Variants in PDE8B observed in about 807,000 individuals in gnomAD.
PDE8B encodes the protein high affinity cAMP-specific and IBMX-insensitive 3',5'-cyclic phosphodiesterase 8B.
A neutral mutation model predicts 101.3 loss-of-function variants in PDE8B; 26 were observed. The observed-to-expected ratio is 0.26, with a 90% CI of 0.19 to 0.36. The LOEUF (loss-of-function observed/expected upper bound fraction) is 0.36, where lower values mean the gene tolerates loss of function less well. Among genes scored for constraint, PDE8B ranks in the 10% least tolerant of loss-of-function variants. The pLI is 1.00. For missense variants in PDE8B, 810 were observed against 1,163.1 expected, an observed-to-expected ratio of 0.70 and a Z score of 4.42; for synonymous variants, 424 against 429.3, an observed-to-expected ratio of 0.99 and a Z score of 0.15.
intron 2 of PDE8B, among the ~76,000 whole-genome samples, chr5:77,316,701 T>C (rs1773836013): frequency 6.6e-6 from 1 of 152,238 alleles, no homozygotes; most frequent in Non-Finnish European, 1.5e-5. Flanking sequence ...TTTGAATGTA[T>C]TATATGTGGC....
chr5:77,260,386 GC>G (rs1760289277), intron 1 of PDE8B, among the ~76,000 whole-genome samples: 1 of 152,040 alleles, frequency 6.6e-6, no homozygotes, highest in Non-Finnish European at 1.5e-5. Flanking sequence ...CCTGTAAGGA[GC>G]ATTTTAAAAG....
chr5:77,321,467 A>G (rs982997432), intron 2 of PDE8B, among the ~76,000 whole-genome samples: 3 of 152,072 alleles, frequency 2.0e-5, no homozygotes, highest in Non-Finnish European at 2.9e-5. Flanking sequence ...TCTATTCTTA[A>G]TGGGCCACAG....
chr5:77,113,537 T>C, the PDE8B span: 1 of 152,184 alleles, frequency 6.6e-6, no homozygotes, highest in Non-Finnish European at 1.5e-5. Flanking sequence ...CGACTTAATG[T>C]AAGACCTAAA....
At chr5:77,092,946 A>C in the PDE8B span, among the ~76,000 whole-genome samples, 1 of 152,126 alleles carries the variant, frequency 6.6e-6, no homozygotes, top group Non-Finnish European at 1.5e-5. Flanking sequence ...AGTTTGAGAA[A>C]AATATTTATC....
At chr5:77,245,296 A>G (rs1756624537) in intron 1 of PDE8B, among the ~76,000 whole-genome samples, 2 of 152,260 alleles carry the variant, frequency 1.3e-5, no homozygotes, top group Non-Finnish European at 2.9e-5. Context: ...GAGTGTCTTG[A>G]GTAAAATAAA....
At chr5:77,254,301 T>C (rs771743227) in intron 1 of PDE8B, among the ~76,000 whole-genome samples, 3 of 152,100 alleles carry the variant, frequency 2.0e-5, no homozygotes, top group Non-Finnish European at 4.4e-5. Flanking sequence ...GGAAAAGAAC[T>C]ACAGTGAAAA....
At chr5:77,244,657 A>C (rs140554772) in intron 1 of PDE8B, among the ~76,000 whole-genome samples, 52 of 152,082 alleles carry the variant, frequency 3.4e-4, no homozygotes, top group East Asian at 1.5e-3. Flanking sequence ...CTCTCTCTCT[A>C]TATATAAATT....
chr5:77,319,687 G>A (rs1774596418), intron 2 of PDE8B, among the ~76,000 whole-genome samples: 1 of 152,134 alleles, frequency 6.6e-6, no homozygotes, highest in South Asian at 2.1e-4. Flanking sequence ...CAGCGGTGTG[G>A]CAAAAAGGAT....
chr5:77,171,021 C>G, the PDE8B span, among the ~76,000 whole-genome samples: 2 of 152,138 alleles, frequency 1.3e-5, no homozygotes, highest in African/African-American at 4.8e-5. Flanking sequence ...ACAAATAATT[C>G]TAACACGAAT....
At chr5:77,148,499 T>A in the PDE8B span, 1 of 152,232 alleles carries the variant, frequency 6.6e-6, no homozygotes, top group Middle Eastern at 3.2e-3. Flanking sequence ...TTATCAACAA[T>A]ATATGATGGT....
intron 4 of PDE8B, among the ~76,000 whole-genome samples, chr5:77,331,091 T>G (rs1452735688): frequency 6.6e-6 from 1 of 152,204 alleles, no homozygotes; most frequent in African/African-American, 2.4e-5. Flanking sequence ...TGTCCCTTTA[T>G]GGGACTGCTC....
At chr5:77,108,417 C>T in the PDE8B span, among the ~76,000 whole-genome samples, 2 of 152,170 alleles carry the variant, frequency 1.3e-5, no homozygotes, top group South Asian at 4.1e-4. Context: ...AGGCACATGG[C>T]TCATGCCCTT....
chr5:77,271,427 G>T (rs779235144), intron 1 of PDE8B, among the ~76,000 whole-genome samples: 4 of 152,192 alleles, frequency 2.6e-5, no homozygotes, highest in Non-Finnish European at 5.9e-5. Flanking sequence ...ATGACAAATG[G>T]TTAAGGAGTT....
At chr5:77,090,852 G>A in the PDE8B span, among the ~76,000 whole-genome samples, 1 of 152,126 alleles carries the variant, frequency 6.6e-6, no homozygotes, top group African/African-American at 2.4e-5. Context: ...TTTGGCTTCT[G>A]TAAATAATGC....
At chr5:77,091,649 TAATAA>T in the PDE8B span, among the ~76,000 whole-genome samples, 4 of 151,916 alleles carry the variant, frequency 2.6e-5, no homozygotes, top group Admixed American at 6.6e-5. Flanking sequence ...TGAAAAATAA[TAATAA>T]AATAAAATAA....
intron 1 of PDE8B, among the ~76,000 whole-genome samples, chr5:77,277,417 T>C (rs572050055): frequency 2.0e-5 from 3 of 152,358 alleles, no homozygotes; most frequent in Non-Finnish European, 4.4e-5. Flanking sequence ...GCTTATTATT[T>C]CGGTGTTTCC....
At chr5:77,159,218 G>T in the PDE8B span, among the ~76,000 whole-genome samples, 1 of 152,164 alleles carries the variant, frequency 6.6e-6, no homozygotes, top group Admixed American at 6.5e-5. Context: ...GGTTAATACT[G>T]AGTGTCAACT....
At chr5:77,338,828 C>T in intron 6 of PDE8B, among the ~76,000 whole-genome samples, 1 of 152,172 alleles carries the variant, frequency 6.6e-6, no homozygotes, top group East Asian at 1.9e-4. Context: ...ATGAACGGCG[C>T]AACACCTCAT....
Position 77,310,203 on chromosome 5 carries a change from G to A in PDE8B, c.340-1791G>A, listed in dbSNP as rs537330734. Among the ~76,000 whole-genome samples the A allele has an allele frequency of 1.6e-3, 245 of 152,186 alleles. 5 individuals carry two copies. In the South Asian group the frequency reaches 0.036, roughly 23 times the overall value. ...TGACTTCAGGTGATCTGCCCACCTC[G>A]GCCTCCCAAAGTGCTGGGATTACAG... On this transcript the variant is annotated intron_variant, in intron 1 of 21. Coordinates refer to ENST00000264917, the MANE Select transcript of PDE8B (RefSeq NM_003719.5).
Sources: allele counts gnomAD v4.1 joint callset (sites outside exome capture counted in the v4.1 genomes callset), GRCh38; gene constraint gnomAD v4.1.1; transcripts MANE v1.5; gene names NCBI Gene and HGNC (gene_info 2026-07-23, HGNC 2026-07-21).